MARCHF1: variants seen among roughly 807,000 people sequenced by gnomAD.
MARCHF1 encodes the protein E3 ubiquitin-protein ligase MARCHF1.
A neutral mutation model predicts 54.2 loss-of-function variants in MARCHF1; 40 were observed. The ratio of observed to expected loss-of-function variants is 0.74; its 90% CI spans 0.57 to 0.96. The LOEUF (loss-of-function observed/expected upper bound fraction) is 0.96. Ranked by LOEUF, MARCHF1 falls within the 40% of genes least tolerant of loss-of-function variation. The pLI is 0.00. For synonymous variants in MARCHF1, 236 were observed against 236.3 expected (o/e 1.00, Z 0.01); for missense variants, 586 against 656.5 (o/e 0.89, Z 1.17).
chr4:164,070,131 G>C (rs1235362537), intron 2 of MARCHF1, among the ~76,000 whole-genome samples: 1 of 152,180 alleles, frequency 6.6e-6, no homozygotes, highest in African/African-American at 2.4e-5. Context: ...GAGAAAGGGA[G>C]AAGGGTGTTG....
intron 2 of MARCHF1, among the ~76,000 whole-genome samples, chr4:163,992,064 A>G (rs1317977545): frequency 7.1e-4 from 2 of 2,818 alleles, no homozygotes; most frequent in African/African-American, 1.3e-3. Context: ...TCAGCTGCAA[A>G]AAAAAAAAAA....
intron 9 of MARCHF1, among the ~76,000 whole-genome samples, chr4:163,531,290 A>G (rs563046502): frequency 5.0e-4 from 76 of 152,044 alleles, no homozygotes; most frequent in African/African-American, 1.8e-3. Context: ...ACTACAGCCA[A>G]TAGAGATTTA....
intron 3 of MARCHF1, among the ~76,000 whole-genome samples, chr4:163,981,949 C>T (rs1752771599): frequency 1.3e-5 from 2 of 152,104 alleles, no homozygotes; most frequent in Admixed American, 6.5e-5. Flanking sequence ...CTAATTGAGG[C>T]CACAATTTAA....
chr4:163,735,067 T>G (rs1745994275), intron 4 of MARCHF1, among the ~76,000 whole-genome samples: 1 of 152,156 alleles, frequency 6.6e-6, no homozygotes, highest in Admixed American at 6.5e-5. Context: ...ACACTTGTTA[T>G]TCTCTCAACT....
intron 2 of MARCHF1, among the ~76,000 whole-genome samples, chr4:164,054,923 TATA>T (rs778239304): frequency 3.7e-4 from 56 of 152,030 alleles, no homozygotes; most frequent in African/African-American, 1.2e-3. Context: ...AAACTTAAAG[TATA>T]ATAATAATTT....
intron 1 of MARCHF1, among the ~76,000 whole-genome samples, chr4:164,172,980 CAAAA>C (rs35995273): frequency 7.8e-6 from 1 of 127,794 alleles, no homozygotes; most frequent in Admixed American, 8.0e-5. Context: ...GACTCCGTCT[CAAAA>C]AAAAAAAAAA....
chr4:163,618,976 C>G (rs2110951295), intron 5 of MARCHF1, among the ~76,000 whole-genome samples: 1 of 152,078 alleles, frequency 6.6e-6, no homozygotes, highest in East Asian at 1.9e-4. Flanking sequence ...GAGTGTGACT[C>G]AAGTAGGGGA....
At chr4:164,151,857 G>A (rs916620637) in intron 1 of MARCHF1, among the ~76,000 whole-genome samples, 1 of 151,980 alleles carries the variant, frequency 6.6e-6, no homozygotes, top group African/African-American at 2.4e-5. Context: ...TACTTCATGT[G>A]TTTATAGAAC....
chr4:163,636,887 C>T (rs1742350198), intron 5 of MARCHF1, among the ~76,000 whole-genome samples: 1 of 152,124 alleles, frequency 6.6e-6, no homozygotes, highest in African/African-American at 2.4e-5. Flanking sequence ...GGTACTGGTA[C>T]CAAAACAGAG....
intron 3 of MARCHF1, among the ~76,000 whole-genome samples, chr4:163,966,293 C>G (rs1237613088): frequency 6.6e-6 from 1 of 151,688 alleles, no homozygotes; most frequent in African/African-American, 2.4e-5. Context: ...TATTTAAATT[C>G]CCCACCATTA....
At chr4:164,137,816 A>C (rs549868679) in intron 1 of MARCHF1, among the ~76,000 whole-genome samples, 1 of 152,342 alleles carries the variant, frequency 6.6e-6, no homozygotes, top group African/African-American at 2.4e-5. Flanking sequence ...CCACCAAAGC[A>C]AGAAAAATAA....
chr4:164,380,308 TATA>T (rs61594688), intron 1 of MARCHF1, among the ~76,000 whole-genome samples: 66,429 of 151,848 alleles, frequency 0.44, 15,239 homozygotes, highest in Non-Finnish European at 0.5. Context: ...TTCACTAATA[TATA>T]ATATTTGTCA....
At chr4:164,250,624 C>T (rs937580890) in intron 1 of MARCHF1, among the ~76,000 whole-genome samples, 1 of 151,754 alleles carries the variant, frequency 6.6e-6, no homozygotes, top group East Asian at 1.9e-4. Context: ...ATTTCTCATC[C>T]CAGGTTGATT....
At chr4:164,256,229 TA>T (rs1733275813) in intron 1 of MARCHF1, among the ~76,000 whole-genome samples, 1 of 151,886 alleles carries the variant, frequency 6.6e-6, no homozygotes, top group Non-Finnish European at 1.5e-5. Context: ...GTCAAAAATC[TA>T]AGTATCTGAA....
chr4:163,644,749 C>T (rs868393568), intron 5 of MARCHF1, among the ~76,000 whole-genome samples: 5 of 152,228 alleles, frequency 3.3e-5, no homozygotes, highest in Admixed American at 1.3e-4. Flanking sequence ...GAGAGCAGTT[C>T]TGTCCATGAA....
intron 1 of MARCHF1, among the ~76,000 whole-genome samples, chr4:164,145,733 C>T (rs1414902444): frequency 6.8e-6 from 1 of 147,800 alleles, no homozygotes; most frequent in African/African-American, 2.5e-5. Context: ...TGGGCAAAAA[C>T]TGGAAGCATT....
At chr4:164,026,224 A>G (rs1337102890) in intron 2 of MARCHF1, among the ~76,000 whole-genome samples, 1 of 152,144 alleles carries the variant, frequency 6.6e-6, no homozygotes, top group Admixed American at 6.6e-5. Flanking sequence ...GCTACTCCCT[A>G]ACTCACCCTA....
chr4:163,671,679 A>C (rs186501413), intron 5 of MARCHF1, among the ~76,000 whole-genome samples: 2 of 152,220 alleles, frequency 1.3e-5, no homozygotes, highest in East Asian at 3.9e-4. Context: ...TGGTATTTGT[A>C]AGTAAATGTA....
chr4:163,876,521 T>C lies in MARCHF1; in HGVS notation c.-38-22352A>G, dbSNP rs1386895039. Among the ~76,000 whole-genome samples, 4 of 152,102 alleles carry C rather than the reference T, an allele frequency of 2.6e-5. No homozygotes were observed. The East Asian group carries it at 7.7e-4, about 29-fold the overall frequency. On this transcript the variant is annotated intron_variant, in intron 3 of 9. Transcript: ENST00000514618. ...TTAAAACAACTGCCTGTTTTCCCTA[T>C]AAAGTATGTAGAATGTGACATGCCA...
Sources: allele counts gnomAD v4.1 joint callset (sites outside exome capture counted in the v4.1 genomes callset), GRCh38; gene constraint gnomAD v4.1.1; transcripts MANE v1.5; gene names NCBI Gene and HGNC (gene_info 2026-07-23, HGNC 2026-07-21).